Variants in OPHN1 observed in about 807,000 individuals in gnomAD.
OPHN1 encodes oligophrenin-1.
A neutral mutation model predicts 60.7 loss-of-function variants in OPHN1; 11 were observed. The ratio of observed to expected loss-of-function variants is 0.18; its 90% CI spans 0.11 to 0.30. OPHN1 has a LOEUF of 0.30. OPHN1 is among the 10% of genes least tolerant of loss of function. OPHN1 has a pLI of 1.00. For synonymous variants in OPHN1, 226 were observed against 222.6 expected (o/e 1.02, Z -0.14); for missense variants, 449 against 611.0 (o/e 0.73, Z 2.80).
chrX:68,430,548 C>T (rs2078880790), intron 2 of OPHN1, among the ~76,000 whole-genome samples: 1 of 111,341 alleles, frequency 9.0e-6, no homozygotes, highest in Non-Finnish European at 1.9e-5. Context: ...AGAGGCCAGG[C>T]GTGGTGGCTC....
chrX:68,145,800 A>G (rs779888398), intron 15 of OPHN1, among the ~76,000 whole-genome samples: 3 of 112,300 alleles, frequency 2.7e-5, no homozygotes, highest in Admixed American at 9.4e-5. Context: ...CACTTTGTTT[A>G]GTCAAATTAT....
At chrX:68,154,619 A>C (rs1260262695) in intron 15 of OPHN1, among the ~76,000 whole-genome samples, 1 of 112,071 alleles carries the variant, frequency 8.9e-6, no homozygotes, top group Non-Finnish European at 1.9e-5. Flanking sequence ...TTGAAGTCAC[A>C]GTTCTTAGTC....
chrX:68,169,635 C>T (rs1350715866), intron 15 of OPHN1, among the ~76,000 whole-genome samples: 1 of 109,486 alleles, frequency 9.1e-6, no homozygotes, highest in Non-Finnish European at 1.9e-5. Context: ...CACATATCTA[C>T]AACTATCTGA....
chrX:68,408,400 A>G (rs2078754098), intron 2 of OPHN1, among the ~76,000 whole-genome samples: 1 of 111,878 alleles, frequency 8.9e-6, no homozygotes, highest in African/African-American at 3.3e-5. Flanking sequence ...TTCTGCTTCT[A>G]AATTTCTAAG....
intron 5 of OPHN1, among the ~76,000 whole-genome samples, chrX:68,264,604 C>A (rs1302133909): frequency 8.9e-6 from 1 of 111,817 alleles, no homozygotes; most frequent in Non-Finnish European, 1.9e-5. Flanking sequence ...GTGTGTGCGA[C>A]GTAGAAGATG....
At chrX:68,397,679 C>T (rs1047171109) in intron 2 of OPHN1, among the ~76,000 whole-genome samples, 3 of 107,601 alleles carry the variant, frequency 2.8e-5, no homozygotes, top group Non-Finnish European at 5.8e-5. Flanking sequence ...CCCACCACCA[C>T]GCCCAGCTAA....
chrX:68,296,791 C>G (rs765066569), intron 3 of OPHN1, among the ~76,000 whole-genome samples: 1 of 110,375 alleles, frequency 9.1e-6, no homozygotes, highest in East Asian at 2.8e-4. Context: ...AGAGCAAGAC[C>G]CTGTCTTTCT....
chrX:68,082,085 A>G (rs2076976293), intron 19 of OPHN1, among the ~76,000 whole-genome samples: 1 of 111,778 alleles, frequency 8.9e-6, no homozygotes, highest in Admixed American at 9.5e-5. Context: ...CTTCTCATCC[A>G]TTGAACTTTT....
At chrX:68,341,929 C>A (rs1432239994) in intron 2 of OPHN1, among the ~76,000 whole-genome samples, 2 of 100,543 alleles carry the variant, frequency 2.0e-5, no homozygotes, top group Non-Finnish European at 4.1e-5. Flanking sequence ...CATATTTATT[C>A]TTTATTTGAT....
chrX:68,217,218 G>C (rs943408813), intron 6 of OPHN1, among the ~76,000 whole-genome samples: 3 of 112,087 alleles, frequency 2.7e-5, no homozygotes, highest in African/African-American at 6.5e-5. Flanking sequence ...GCGCTTTTCC[G>C]ACGGGCTTAA....
chrX:68,161,249 T>A (rs1280097416), intron 15 of OPHN1, among the ~76,000 whole-genome samples: 1 of 110,995 alleles, frequency 9.0e-6, no homozygotes, highest in Admixed American at 9.6e-5. Flanking sequence ...TAATTAAAAA[T>A]TATTAATTTG....
chrX:68,116,979 C>T (rs918819096), intron 16 of OPHN1, among the ~76,000 whole-genome samples: 2 of 111,750 alleles, frequency 1.8e-5, no homozygotes, highest in Non-Finnish European at 3.8e-5. Context: ...ACATCTCTGC[C>T]CATTTTATAT....
chrX:68,221,377 C>A lies in OPHN1; in HGVS notation c.487-7405G>T, dbSNP rs7883991. Among the ~76,000 whole-genome samples the A allele has an allele frequency of 7.4e-4, 11 of 14,908 alleles. 2 individuals are homozygous for A. The highest frequency in any genetic ancestry group is 2.0e-3 in the African/African-American group (11 of 5,624). The allele number at this position is 14,908 out of a possible 115,157, so 12.9% of individuals were successfully genotyped here. On this transcript the variant is annotated intron_variant, in intron 6 of 24. Coordinates refer to ENST00000355520, the MANE Select transcript of OPHN1 (RefSeq NM_002547.3). ...CCCAAGGTAATTTACAGATTCAATG[C>A]CATCCCCATCAATCTCCCAATGACT...
chrX:68,192,070 A>G (rs1169581407), intron 15 of OPHN1, among the ~76,000 whole-genome samples: 1 of 111,255 alleles, frequency 9.0e-6, no homozygotes, highest in Non-Finnish European at 1.9e-5. Context: ...ATAAAAAAAA[A>G]TCAATCAATA....
intron 3 of OPHN1, among the ~76,000 whole-genome samples, chrX:68,289,426 G>A (rs1317112144): frequency 1.1e-4 from 12 of 112,144 alleles, no homozygotes; most frequent in African/African-American, 3.6e-4. Flanking sequence ...AATTTAGCAA[G>A]GTCATATAAA....
chrX:68,427,726 T>A (rs1176137211), intron 2 of OPHN1, among the ~76,000 whole-genome samples: 1 of 109,580 alleles, frequency 9.1e-6, no homozygotes, highest in African/African-American at 3.3e-5. Context: ...CCTAGCCCAT[T>A]AGAGTCCAAG....
At chrX:68,097,873 T>C (rs970944618) in intron 18 of OPHN1, among the ~76,000 whole-genome samples, 1 of 110,807 alleles carries the variant, frequency 9.0e-6, no homozygotes, top group Non-Finnish European at 1.9e-5. Flanking sequence ...CCTGGGAAAA[T>C]AGCACCCACT....
At chrX:68,372,918 G>GA (rs1055878324) in intron 2 of OPHN1, among the ~76,000 whole-genome samples, 40 of 106,475 alleles carry the variant, frequency 3.8e-4, no homozygotes, top group African/African-American at 6.8e-4. Flanking sequence ...GGAAGTTTAA[G>GA]AAAAAAAAAA....
At position 68,064,011 on chromosome X, in the gene OPHN1, C is replaced by T; in HGVS notation, c.2001G>A (p.Glu667=). ...ILDGKLEPCP[E]VDVGKLVSRL... ...TAGACACCAACTTCCCCACGTCCAC[C>T]TCTGGGCAGGGCTCCAACTTGCCAT... is the stretch of plus-strand genomic sequence containing the variant. The change falls in exon 21 of 25, where the codon GAG becomes GAA. Residue 667 remains glutamate, a synonymous_variant. Transcript: ENST00000355520. The T allele has an allele frequency of 1.7e-6, 2 of 1,210,442 alleles. No homozygotes were observed. The highest frequency in any genetic ancestry group is 2.2e-6 in the Non-Finnish European group (2 of 895,126).
Sources: allele counts gnomAD v4.1 joint callset (sites outside exome capture counted in the v4.1 genomes callset), GRCh38; gene constraint gnomAD v4.1.1; transcripts MANE v1.5; gene names NCBI Gene and HGNC (gene_info 2026-07-23, HGNC 2026-07-21).